SLC30A8: variants seen among roughly 807,000 people sequenced by gnomAD.
SLC30A8 encodes proton-coupled zinc antiporter SLC30A8.
A neutral mutation model predicts 36.9 loss-of-function variants in SLC30A8; 27 were observed. The ratio of observed to expected loss-of-function variants is 0.73; its 90% confidence interval spans 0.54 to 1.01. The LOEUF is 1.01. SLC30A8 is among the 50% of genes least tolerant of loss of function. SLC30A8 has a pLI of 0.00. For synonymous variants in SLC30A8, 164 were observed against 172.4 expected, an observed-to-expected ratio of 0.95 and a Z score of 0.38; for missense variants, 439 against 452.0, an observed-to-expected ratio of 0.97 and a Z score of 0.26.
At chr8:117,094,088 G>A (rs1333628453) in intron 2 of SLC30A8, among the ~76,000 whole-genome samples, 2 of 152,228 alleles carry the variant, frequency 1.3e-5, no homozygotes, top group African/African-American at 4.8e-5. Context: ...CCCCAAAGAG[G>A]GTGTCACAGC....
chr8:117,123,475 C>A (rs1820767963), intron 2 of SLC30A8, among the ~76,000 whole-genome samples: 1 of 151,648 alleles, frequency 6.6e-6, no homozygotes, highest in Non-Finnish European at 1.5e-5. Flanking sequence ...GCATTGATAC[C>A]CTGGGAAAAT....
chr8:117,044,735 G>A (rs1427445531), intron 2 of SLC30A8, among the ~76,000 whole-genome samples: 1 of 152,190 alleles, frequency 6.6e-6, no homozygotes, highest in South Asian at 2.1e-4. Context: ...ATCAATTAGA[G>A]GGAAAGAGAA....
At chr8:117,006,873 C>G (rs1469843741) in intron 1 of SLC30A8, 1 of 147,324 alleles carries the variant, frequency 6.8e-6, no homozygotes, top group Non-Finnish European at 1.5e-5. Context: ...ACCTCCGCCT[C>G]CCAGGTTCAA....
intron 1 of SLC30A8, among the ~76,000 whole-genome samples, chr8:117,034,819 G>A (rs116319203): frequency 3.9e-5 from 6 of 152,136 alleles, no homozygotes; most frequent in African/African-American, 1.4e-4. Context: ...TCACAATCAT[G>A]GCAGAAGGGG....
At chr8:117,092,236 ACTC>A (rs1186215869) in intron 2 of SLC30A8, among the ~76,000 whole-genome samples, 1 of 152,116 alleles carries the variant, frequency 6.6e-6, no homozygotes, top group Non-Finnish European at 1.5e-5. Flanking sequence ...ATTTTCAGTG[ACTC>A]CTCATATGAG....
chr8:117,160,883 G>A (rs1031050899), intron 4 of SLC30A8, among the ~76,000 whole-genome samples: 5 of 152,188 alleles, frequency 3.3e-5, no homozygotes, highest in Non-Finnish European at 7.4e-5. Context: ...ACATGGTGTT[G>A]AACAATATGT....
intron 1 of SLC30A8, among the ~76,000 whole-genome samples, chr8:117,140,901 A>G (rs1369299567): frequency 6.6e-6 from 1 of 152,136 alleles, no homozygotes; most frequent in Non-Finnish European, 1.5e-5. Flanking sequence ...ATTTAATAGT[A>G]AACTGCATGA....
intron 1 of SLC30A8, among the ~76,000 whole-genome samples, chr8:117,020,698 GTATCTT>G (rs200129385): frequency 0.062 from 9,375 of 152,196 alleles, 332 homozygotes; most frequent in African/African-American, 0.095. Flanking sequence ...AGAATGAACA[GTATCTT>G]TATCTTTATT....
At chr8:117,068,521 T>G (rs1818234459) in intron 2 of SLC30A8, among the ~76,000 whole-genome samples, 1 of 151,806 alleles carries the variant, frequency 6.6e-6, no homozygotes, top group African/African-American at 2.4e-5. Flanking sequence ...TCTCAACTGC[T>G]TCTCTCCACA....
rs1477115289 is a variant in SLC30A8, at chr8:117,174,956, C to T, written c.*2275C>T. 1 of 151,880 alleles carries T rather than the reference C, an allele frequency of 6.6e-6. No individual in the cohort carries two copies. The highest frequency in any genetic ancestry group is 1.5e-5 in the Non-Finnish European group (1 of 67,994). The allele number at this position is 151,880 out of a possible 1,614,324, so 9.4% of individuals were successfully genotyped here. A position where few individuals can be genotyped will look rare whatever the true frequency, so the allele number is the denominator to read the frequency against. On this transcript the variant is annotated 3_prime_UTR_variant, in exon 8 of 8. Transcript: ENST00000456015. ...GATGCTACTCAGGGGCTTTATGAAC[C>T]ATCCATCAATTCTGAAGTTCTGACT...
chr8:117,013,736 A>G (rs762225204), intron 1 of SLC30A8, among the ~76,000 whole-genome samples: 14 of 152,080 alleles, frequency 9.2e-5, no homozygotes, highest in African/African-American at 3.4e-4. Flanking sequence ...AGGAATGAAG[A>G]GTGTTTTCTT....
At chr8:117,141,446 G>A (rs756494008) in intron 1 of SLC30A8, among the ~76,000 whole-genome samples, 8 of 152,064 alleles carry the variant, frequency 5.3e-5, no homozygotes, top group Non-Finnish European at 8.8e-5. Flanking sequence ...TGCAGAAAAC[G>A]AATGGACAAA....
chr8:117,144,102 C>T (rs1361260080), intron 1 of SLC30A8, among the ~76,000 whole-genome samples: 1 of 152,126 alleles, frequency 6.6e-6, no homozygotes, highest in Non-Finnish European at 1.5e-5. Context: ...GCTGTCTTCT[C>T]AGCCCAAGGA....
chr8:117,139,920 C>A (rs1246478012), intron 1 of SLC30A8, among the ~76,000 whole-genome samples: 3 of 147,414 alleles, frequency 2.0e-5, no homozygotes, highest in African/African-American at 7.5e-5. Context: ...TTGAATATTT[C>A]AAAACAGCTA....
intron 1 of SLC30A8, among the ~76,000 whole-genome samples, chr8:117,034,048 T>G (rs963795819): frequency 2.0e-5 from 3 of 152,202 alleles, no homozygotes; most frequent in Non-Finnish European, 4.4e-5. Context: ...CATAGCTAGT[T>G]GTCCTATATA....
chr8:116,954,221 A>C (rs1020032750), intron 1 of SLC30A8, among the ~76,000 whole-genome samples: 1 of 152,108 alleles, frequency 6.6e-6, no homozygotes, highest in East Asian at 1.9e-4. Flanking sequence ...CCAGAAGAGG[A>C]TGGGACTTTG....
At chr8:117,043,046 C>T (rs1389321276) in intron 2 of SLC30A8, among the ~76,000 whole-genome samples, 2 of 152,140 alleles carry the variant, frequency 1.3e-5, no homozygotes, top group African/African-American at 4.8e-5. Context: ...AGGGTTTATG[C>T]TTAGGATCAT....
In SLC30A8 at chr8:117,175,509, T is replaced by A. The variant is rs1256585397; in HGVS notation, c.*2828T>A. The stretch of plus-strand genomic sequence containing the variant: ...TGAAGCTAGATTGTCTGAGTTTGAA[T>A]CTTAGCTCTTCCCTTTATTAGCTCT... On this transcript the variant is annotated 3_prime_UTR_variant, in exon 8 of 8. Coordinates refer to ENST00000456015, the MANE Select transcript of SLC30A8 (RefSeq NM_173851.3). 6.6e-6 allele frequency: 1 copy of A among 152,104 alleles called. No homozygotes were observed. The highest frequency in any genetic ancestry group is 1.9e-4 in the East Asian group (1 of 5,170). The allele number at this position is 152,104 out of a possible 1,614,324, so 9.4% of individuals were successfully genotyped here. A position where few individuals can be genotyped will look rare whatever the true frequency, so the allele number is the denominator to read the frequency against.
At chr8:117,050,947 T>C (rs767454953) in intron 2 of SLC30A8, among the ~76,000 whole-genome samples, 15 of 152,230 alleles carry the variant, frequency 9.9e-5, no homozygotes, top group Non-Finnish European at 1.6e-4. Context: ...CAGTCTCTCT[T>C]CTGCGAAATG....
Sources: allele counts gnomAD v4.1 joint callset (sites outside exome capture counted in the v4.1 genomes callset), GRCh38; gene constraint gnomAD v4.1.1; transcripts MANE v1.5; gene names NCBI Gene and HGNC (gene_info 2026-07-23, HGNC 2026-07-21).